AUTS2: variants seen among roughly 807,000 people sequenced by gnomAD.
AUTS2 encodes activator of transcription and developmental regulator AUTS2.
In AUTS2, 17 loss-of-function variants were observed where a neutral mutation model predicts 112.4. That is an observed-to-expected ratio of 0.15 (90% CI 0.10 to 0.23). The LOEUF is 0.23. Ranked by LOEUF, AUTS2 falls within the 10% of genes least tolerant of loss-of-function variation. The probability of loss-of-function intolerance (pLI) is 1.00; values close to 1 mark genes in which losing one functional copy is unlikely to be tolerated. For missense variants in AUTS2, 1,510 were observed against 1,701.6 expected (o/e 0.89, Z 1.98); for synonymous variants, 751 against 702.7 (o/e 1.07, Z -1.09).
chr7:70,059,035 A>C (rs1584653483), intron 2 of AUTS2, among the ~76,000 whole-genome samples: 1 of 152,286 alleles, frequency 6.6e-6, no homozygotes, highest in Middle Eastern at 3.4e-3. Flanking sequence ...CACCCATCTT[A>C]CATAGTTTAC....
chr7:70,359,432 T>G (rs751938405), intron 4 of AUTS2, among the ~76,000 whole-genome samples: 2 of 152,164 alleles, frequency 1.3e-5, no homozygotes, highest in Admixed American at 6.5e-5. Flanking sequence ...AAGAGGTTAT[T>G]TAGTACAAGG....
At chr7:70,764,624 C>A in intron 7 of AUTS2, 128 bp from the exon 8 acceptor site, 1 of 632,078 alleles carries the variant, frequency 1.6e-6, no homozygotes, top group Non-Finnish European at 2.9e-6. Context: ...CAGGGAGGAT[C>A]TGTAAAGAGG....
intron 14 of AUTS2, among the ~76,000 whole-genome samples, chr7:70,779,467 CT>C (rs1790922198): frequency 6.6e-6 from 1 of 152,174 alleles, no homozygotes; most frequent in African/African-American, 2.4e-5. Context: ...TGTGTGCCCT[CT>C]TAATGGGTGG....
chr7:70,493,807 G>T (rs957537542), intron 5 of AUTS2, among the ~76,000 whole-genome samples: 2 of 152,016 alleles, frequency 1.3e-5, no homozygotes, highest in Non-Finnish European at 2.9e-5. Context: ...TTTCAAAAAA[G>T]ATATTTATTT....
At chr7:70,761,118 A>T (rs1789540015) in intron 6 of AUTS2, among the ~76,000 whole-genome samples, 1 of 152,246 alleles carries the variant, frequency 6.6e-6, no homozygotes, top group Non-Finnish European at 1.5e-5. Context: ...GAATAATGGC[A>T]AACAAGTGTG....
At chr7:70,025,160 G>A (rs1800457531) in intron 2 of AUTS2, among the ~76,000 whole-genome samples, 1 of 152,172 alleles carries the variant, frequency 6.6e-6, no homozygotes, top group Non-Finnish European at 1.5e-5. Context: ...TATGTGCTGA[G>A]TCTTGTATTT....
intron 1 of AUTS2, among the ~76,000 whole-genome samples, chr7:69,805,524 T>C (rs1385270924): frequency 2.0e-5 from 3 of 152,066 alleles, no homozygotes; most frequent in Non-Finnish European, 4.4e-5. Flanking sequence ...AGAATGTGAC[T>C]ATAAAAAAGA....
intron 2 of AUTS2, among the ~76,000 whole-genome samples, chr7:69,971,957 T>G (rs1797866408): frequency 6.6e-6 from 1 of 152,182 alleles, no homozygotes; most frequent in African/African-American, 2.4e-5. Flanking sequence ...GTGCAGTTGC[T>G]GGGTAGTATG....
At chr7:70,511,490 C>T (rs1466825346) in intron 5 of AUTS2, among the ~76,000 whole-genome samples, 2 of 150,316 alleles carry the variant, frequency 1.3e-5, no homozygotes, top group Non-Finnish European at 3.0e-5. Flanking sequence ...ACAGCCCCAA[C>T]TTCTATATGC....
chr7:69,810,732 T>C (rs1420398837), intron 1 of AUTS2, among the ~76,000 whole-genome samples: 2 of 152,176 alleles, frequency 1.3e-5, no homozygotes, highest in African/African-American at 2.4e-5. Context: ...GGAAAAATGG[T>C]AGACTAGGAT....
At chr7:69,611,279 G>A (rs1793019196) in intron 1 of AUTS2, among the ~76,000 whole-genome samples, 2 of 152,168 alleles carry the variant, frequency 1.3e-5, no homozygotes, top group Admixed American at 1.3e-4. Flanking sequence ...TGTGAGCCTA[G>A]GAGGATATGT....
intron 1 of AUTS2, among the ~76,000 whole-genome samples, chr7:69,734,930 TA>T (rs1191855201): frequency 1.3e-5 from 2 of 152,296 alleles, no homozygotes; most frequent in African/African-American, 4.8e-5. Context: ...GGACATGTAT[TA>T]AAAAACAAAT....
intron 4 of AUTS2, among the ~76,000 whole-genome samples, chr7:70,379,425 C>T (rs749663557): frequency 1.3e-5 from 2 of 151,582 alleles, no homozygotes; most frequent in Non-Finnish European, 2.9e-5. Context: ...TCACTTGAAT[C>T]TGGGAAGCAG....
intron 1 of AUTS2, among the ~76,000 whole-genome samples, chr7:69,852,061 A>C (rs888307649): frequency 6.6e-6 from 1 of 152,048 alleles, no homozygotes; most frequent in African/African-American, 2.4e-5. Flanking sequence ...CCAAATCTGA[A>C]GTGAACAAGC....
At chr7:70,372,545 G>A (rs1032099945) in intron 4 of AUTS2, among the ~76,000 whole-genome samples, 5 of 152,140 alleles carry the variant, frequency 3.3e-5, no homozygotes, top group Non-Finnish European at 5.9e-5. Context: ...GAAACAAACA[G>A]TAGGGGGAAG....
At chr7:70,116,453 C>T (rs906201648) in intron 2 of AUTS2, among the ~76,000 whole-genome samples, 1 of 152,246 alleles carries the variant, frequency 6.6e-6, no homozygotes. Context: ...TTCATCTTCC[C>T]CTAGGCACCA....
intron 1 of AUTS2, among the ~76,000 whole-genome samples, chr7:69,861,584 A>G (rs952422103): frequency 3.3e-5 from 5 of 152,118 alleles, no homozygotes; most frequent in African/African-American, 9.7e-5. Context: ...AACAATTGAA[A>G]TTTTCTGTTC....
chr7:70,330,694 G>T (rs1003208373), intron 4 of AUTS2, among the ~76,000 whole-genome samples: 1 of 152,136 alleles, frequency 6.6e-6, no homozygotes, highest in East Asian at 1.9e-4. Flanking sequence ...AGATTGCATT[G>T]GATCTGTACA....
chr7:70,679,888 T>A (rs1055061150), intron 5 of AUTS2, among the ~76,000 whole-genome samples: 1 of 152,224 alleles, frequency 6.6e-6, no homozygotes, highest in African/African-American at 2.4e-5. Context: ...GTGGGTGTGA[T>A]GACACATTTA....
Sources: gnomAD v4.1 joint callset for allele counts (sites outside exome capture counted in the v4.1 genomes callset) on GRCh38, gnomAD v4.1.1 for gene constraint, MANE v1.5 for transcripts, NCBI Gene and HGNC (gene_info 2026-07-23, HGNC 2026-07-21) for gene names.